The following PTPRZ1 variants were observed in gnomAD, a reference collection of about 807,000 sequenced individuals.
PTPRZ1 encodes protein tyrosine phosphatase receptor type Z1.
PTPRZ1 carries 82 observed loss-of-function variants against 214.1 expected under a neutral mutation model. The ratio of observed to expected loss-of-function variants is 0.38; its 90% CI spans 0.32 to 0.46. The LOEUF is 0.46. PTPRZ1 is among the 20% of genes least tolerant of loss of function. PTPRZ1 has a pLI of 1.00. For missense variants in PTPRZ1, 2,603 were observed against 2,748.7 expected (o/e 0.95, Z 1.19); for synonymous variants, 945 against 987.9 (o/e 0.96, Z 0.81).
rs571017287 is a variant in PTPRZ1 at position 121,973,700 on chromosome 7, G to A, written c.456+1008G>A. Reference sequence around the variant, plus strand: ...TGTAATCCCAGCACTTCGGGAGGCCGAGATGGGCAGATCACTAGAGGTCAG... The same window carrying A: ...TGTAATCCCAGCACTTCGGGAGGCCAAGATGGGCAGATCACTAGAGGTCAG... On this transcript the variant is annotated intron_variant, in intron 4 of 29. Transcript: ENST00000393386. Among the ~76,000 whole-genome samples, 5 of 152,172 alleles carry A rather than the reference G, an allele frequency of 3.3e-5. No homozygotes were observed. In the East Asian group the frequency reaches 5.8e-4, roughly 18 times the overall value.
In PTPRZ1 at chr7:121,984,006, G is replaced by A. The variant is rs1263920038; in HGVS notation, c.817G>A (p.Gly273Ser). ...FCEVLTMQQS[G>S]YVMLMDYLQN... ...TGAAGTTCTTACAATGCAACAATCT[G>A]GTTATGTCATGCTGATGGACTACTT... is the stretch of plus-strand genomic sequence containing the variant. The change falls in exon 8 of 30, where the codon GGT (glycine) becomes AGT (serine). Residue 273 changes from glycine (G) to serine (S), a missense_variant. By Grantham distance (56) the Gly-to-Ser change is moderately conservative. Around this residue, in one of 6 missense-constraint regions of PTPRZ1, gnomAD observed 244 missense variants for 333.2 expected, o/e 0.73. Transcript: ENST00000393386. 3 of 1,613,372 alleles carry A rather than the reference G, an allele frequency of 1.9e-6. No individual in the cohort carries two copies. The highest frequency in any genetic ancestry group is 1.3e-5 in the African/African-American group (1 of 74,834).
chr7:121,889,132 A>G (rs1328840119), intron 1 of PTPRZ1, among the ~76,000 whole-genome samples: 1 of 104,490 alleles, frequency 9.6e-6, no homozygotes, highest in African/African-American at 4.4e-5. Context: ...TAAAAAAAGT[A>G]TTTAAAATGA....
At chr7:122,035,158 G>A (rs1423654973) in intron 17 of PTPRZ1, among the ~76,000 whole-genome samples, 1 of 152,062 alleles carries the variant, frequency 6.6e-6, no homozygotes, top group African/African-American at 2.4e-5. Context: ...TGGCTTCATA[G>A]GACCATGGTA....
At chr7:121,966,684 G>A (rs920755634) in intron 2 of PTPRZ1, among the ~76,000 whole-genome samples, 10 of 152,106 alleles carry the variant, frequency 6.6e-5, no homozygotes, top group African/African-American at 2.2e-4. Flanking sequence ...CTGTATAGAC[G>A]GCTTCATGGT....
chr7:121,998,015 C>T lies in PTPRZ1; in HGVS notation c.1240+9C>T. 6.2e-7 allele frequency: 1 copy of T among 1,610,740 alleles called. No individual in the cohort carries two copies. Among genetic ancestry groups the T allele is most frequent in the Non-Finnish European group, 8.5e-7 (1 of 1,178,598 alleles). ...GCCTACTGATAATCCTGGTAAGTGCCACCAGATACATCTATATATTAACTC... is the reference window on the plus strand; with the variant it reads ...GCCTACTGATAATCCTGGTAAGTGCTACCAGATACATCTATATATTAACTC... On this transcript the variant is annotated intron_variant, in intron 10 of 29. Transcript: ENST00000393386.
At chr7:121,895,719 AG>A (rs1272817846) in intron 1 of PTPRZ1, among the ~76,000 whole-genome samples, 2 of 152,216 alleles carry the variant, frequency 1.3e-5, no homozygotes, top group African/African-American at 4.8e-5. Context: ...AGGATATAAA[AG>A]GCGTTGGCAG....
chr7:122,025,655 G>T (rs1799189004), intron 13 of PTPRZ1, among the ~76,000 whole-genome samples: 1 of 152,084 alleles, frequency 6.6e-6, no homozygotes, highest in Non-Finnish European at 1.5e-5. Flanking sequence ...GTAGGCTTTT[G>T]TGAATAGAAA....
At chr7:121,899,369 C>T (rs1307327272) in intron 1 of PTPRZ1, among the ~76,000 whole-genome samples, 1 of 152,000 alleles carries the variant, frequency 6.6e-6, no homozygotes, top group Non-Finnish European at 1.5e-5. Context: ...CTGTATCTTT[C>T]CTGCTTTGTC....
At chr7:121,916,656 A>C (rs1795437311) in intron 1 of PTPRZ1, among the ~76,000 whole-genome samples, 1 of 152,220 alleles carries the variant, frequency 6.6e-6, no homozygotes, top group Non-Finnish European at 1.5e-5. Context: ...AAACCTGTGT[A>C]ATCTAGGCTA....
At position 122,042,629 on chromosome 7, in the gene PTPRZ1, C is replaced by T. The variant is rs751543592; in HGVS notation, c.5823C>T (p.Gly1941=). The change falls in exon 22 of 30, where the codon GGC becomes GGT. Residue 1941 remains glycine (G), a synonymous_variant. Transcript: ENST00000393386. ...VHCSAGVGRT[G]TYIVLDSMLQ... ...TCAGTGCTGGAGTTGGAAGAACAGG[C>T]ACATATATTGTGCTAGACAGTATGT... 3 of 1,606,498 alleles carry T rather than the reference C, an allele frequency of 1.9e-6. No homozygotes were observed. The highest frequency in any genetic ancestry group is 8.5e-7 in the Non-Finnish European group (1 of 1,174,872).
In PTPRZ1 at chr7:121,996,481, T is replaced by C; in HGVS notation, c.1028T>C (p.Ile343Thr). ...ERPRVVYDTM[I>T]EKFAVLYQQL... is the part of the protein sequence containing the mutation. ...CCTCGAGTCGTTTATGATACCATGA[T>C]TGAGAAGTTTGCAGTTTTGTACCAG... Residue 343 changes from isoleucine (I) to threonine (T), a missense_variant, in exon 9 of 30, where the codon ATT (isoleucine) becomes ACT (threonine). Physicochemically the swap from Ile to Thr is moderately conservative, Grantham distance 89. Transcript: ENST00000393386. The C allele has an allele frequency of 6.2e-7, 1 of 1,613,130 alleles. No homozygotes were observed. Among genetic ancestry groups the C allele is most frequent in the Non-Finnish European group, 8.5e-7 (1 of 1,179,432 alleles).
intron 2 of PTPRZ1, among the ~76,000 whole-genome samples, chr7:121,952,948 G>T (rs1796603489): frequency 6.6e-6 from 1 of 152,040 alleles, no homozygotes; most frequent in South Asian, 2.1e-4. Flanking sequence ...CAGTATTCAG[G>T]CTTCTGCCCT....
chr7:122,013,674 T>C lies in PTPRZ1; in HGVS notation c.4628T>C (p.Leu1543Pro), dbSNP rs1158706898. The C allele has an allele frequency of 6.2e-7, 1 of 1,614,222 alleles. No homozygotes were observed. The highest frequency in any genetic ancestry group is 1.1e-5 in the South Asian group (1 of 91,090). ...CCTGAATCTAAAGCATGGGCAGTTC[T>C]GACAAGTGATGAAGAAAGTGGATCA... ...LSPESKAWAV[L>P]TSDEESGSGQ... The change falls in exon 12 of 30, where the codon CTG becomes CCG. Residue 1543 changes from leucine to proline, a missense_variant. Transcript: ENST00000393386.
Position 121,983,696 on chromosome 7 carries a change from G to C in PTPRZ1, c.651G>C (p.Leu217=), listed in dbSNP as rs750413678. Residue 217 remains leucine, a synonymous_variant, in exon 7 of 30, where the codon CTG becomes CTC. Transcript: ENST00000393386. The stretch of plus-strand genomic sequence containing the variant: ...AGGCTGCTTTAGATCCATTCATACT[G>C]TTGAACCTTCTGCCAAACTCAACTG... ...GKQAALDPFI[L]LNLLPNSTDK... 4.3e-6 allele frequency: 7 copies of C among 1,613,670 alleles called. No individual in the cohort carries two copies. Among genetic ancestry groups the C allele is most frequent in the Non-Finnish European group, 5.9e-6 (7 of 1,179,902 alleles).
Position 122,061,231 on chromosome 7 carries a change from G to A in PTPRZ1, c.*11G>A. The A allele has an allele frequency of 3.2e-6, 5 of 1,571,182 alleles. No individual in the cohort carries two copies. Among genetic ancestry groups the A allele is most frequent in the Non-Finnish European group, 4.3e-6 (5 of 1,153,952 alleles). On this transcript the variant is annotated 3_prime_UTR_variant, in exon 30 of 30. Coordinates refer to ENST00000393386, the MANE Select transcript of PTPRZ1 (RefSeq NM_002851.3). ...GAGTCTTTAGTTTAACACAGAAAGG[G>A]GTGGGGGAACTCACATCTGAGCATT...
chr7:122,008,489 T>C (rs1437144039), intron 11 of PTPRZ1, among the ~76,000 whole-genome samples: 1 of 152,072 alleles, frequency 6.6e-6, no homozygotes, highest in Non-Finnish European at 1.5e-5. Flanking sequence ...AACACAGAAG[T>C]GCGAATTAGC....
At chr7:121,880,116 A>T (rs1794190967) in intron 1 of PTPRZ1, among the ~76,000 whole-genome samples, 1 of 152,198 alleles carries the variant, frequency 6.6e-6, no homozygotes, top group Non-Finnish European at 1.5e-5. Flanking sequence ...TTGCCTAAAT[A>T]TTCCAGTGTG....
intron 1 of PTPRZ1, among the ~76,000 whole-genome samples, chr7:121,903,964 TCTCACACACACACA>T (rs1563009766): frequency 1.2e-5 from 1 of 81,616 alleles, no homozygotes; most frequent in African/African-American, 5.6e-5. Context: ...AGTCTTTAAA[TCTCACACACACACA>T]CACACACACA....
intron 9 of PTPRZ1, 95 bp downstream of exon 9, chr7:121,996,661 T>G: frequency 9.4e-7 from 1 of 1,062,754 alleles, no homozygotes; most frequent in Admixed American, 2.8e-5. Flanking sequence ...TTTCCTCCAT[T>G]ACTTTTAGAC....
Sources: allele counts gnomAD v4.1 joint callset (sites outside exome capture counted in the v4.1 genomes callset), GRCh38; gene constraint gnomAD v4.1.1; regional missense constraint gnomAD v4.1.1; transcripts MANE v1.5; gene names NCBI Gene and HGNC (gene_info 2026-07-23, HGNC 2026-07-21).